MYO16: variants seen among roughly 807,000 people sequenced by gnomAD.
The protein encoded by MYO16 is myosin XVI.
A neutral mutation model predicts 205.3 loss-of-function variants in MYO16; 94 were observed. The ratio of observed to expected loss-of-function variants is 0.46; its 90% CI spans 0.39 to 0.54. The LOEUF is 0.54. MYO16 is among the 20% of genes least tolerant of loss of function. The probability of loss-of-function intolerance (pLI) is 0.00; values close to 1 mark genes in which losing one functional copy is unlikely to be tolerated. For synonymous variants in MYO16, 988 were observed against 954.0 expected (o/e 1.04, Z -0.66); for missense variants, 2,315 against 2,387.5 (o/e 0.97, Z 0.63).
intron 1 of MYO16, among the ~76,000 whole-genome samples, chr13:108,664,450 G>A (rs1881637074): frequency 6.6e-6 from 1 of 152,140 alleles, no homozygotes; most frequent in Non-Finnish European, 1.5e-5. Context: ...GGATGTTTAT[G>A]CTGGTGCACC....
At chr13:108,932,947 C>A (rs1351406123) in intron 16 of MYO16, among the ~76,000 whole-genome samples, 4 of 152,028 alleles carry the variant, frequency 2.6e-5, no homozygotes, top group African/African-American at 9.7e-5. Context: ...ATATCTACCC[C>A]ATGATGAATT....
intron 12 of MYO16, among the ~76,000 whole-genome samples, chr13:108,873,551 C>T (rs936820397): frequency 3.3e-5 from 5 of 152,220 alleles, no homozygotes; most frequent in African/African-American, 4.8e-5. Flanking sequence ...TGCCGAGATG[C>T]GGGTCACAGC....
chr13:108,694,780 C>A (rs11620235), intron 2 of MYO16, among the ~76,000 whole-genome samples: 3 of 151,948 alleles, frequency 2.0e-5, no homozygotes, highest in African/African-American at 7.3e-5. Context: ...ATCTGAGAAA[C>A]AATTACCAAA....
intron 4 of MYO16, among the ~76,000 whole-genome samples, chr13:108,740,370 G>C (rs1884865058): frequency 6.6e-6 from 1 of 152,160 alleles, no homozygotes; most frequent in Non-Finnish European, 1.5e-5. Flanking sequence ...ACTCTCAGTT[G>C]CAGGTCTGTT....
upstream of MYO16, among the ~76,000 whole-genome samples, chr13:108,592,070 TG>T (rs1239364262): frequency 1.1e-4 from 3 of 26,214 alleles, no homozygotes; most frequent in African/African-American, 7.1e-4. Flanking sequence ...GTGGGATGTG[TG>T]GGGGGTGGGG....
chr13:109,078,442 A>G (rs11841521), intron 27 of MYO16, among the ~76,000 whole-genome samples: 25,231 of 152,194 alleles, frequency 0.17, 2,195 homozygotes, highest in South Asian at 0.2. Context: ...CTCTTTAAAA[A>G]AAATTCTGCA....
intron 1 of MYO16, among the ~76,000 whole-genome samples, chr13:108,620,346 T>A (rs1042771477): frequency 6.6e-6 from 1 of 152,166 alleles, no homozygotes. Flanking sequence ...CACTAACGTA[T>A]TTATTTTTTG....
At chr13:108,707,316 T>C (rs1227723366) in intron 2 of MYO16, among the ~76,000 whole-genome samples, 1 of 152,066 alleles carries the variant, frequency 6.6e-6, no homozygotes, top group Non-Finnish European at 1.5e-5. Context: ...AACATAGGGA[T>C]CAATGACATA....
chr13:108,927,352 G>A (rs930433693), intron 16 of MYO16, among the ~76,000 whole-genome samples: 14 of 152,036 alleles, frequency 9.2e-5, no homozygotes, highest in African/African-American at 2.7e-4. Context: ...ACATCCCTTG[G>A]CGAGTGTCAT....
the MYO16 span, among the ~76,000 whole-genome samples, chr13:108,523,608 T>C: frequency 6.6e-6 from 1 of 152,186 alleles, no homozygotes; most frequent in Non-Finnish European, 1.5e-5. Flanking sequence ...TTTCAAAACC[T>C]GGCCTGAGCC....
intron 27 of MYO16, among the ~76,000 whole-genome samples, chr13:109,072,395 A>C (rs1887950965): frequency 6.6e-6 from 1 of 152,132 alleles, no homozygotes; most frequent in Non-Finnish European, 1.5e-5. Flanking sequence ...ATTTACAAGC[A>C]TCCCATTTTA....
chr13:108,962,523 G>A (rs1181037883), intron 19 of MYO16, 28 bp downstream of exon 19: 1 of 1,438,494 alleles, frequency 7.0e-7, no homozygotes, highest in Non-Finnish European at 9.6e-7. Flanking sequence ...TAACATCTTT[G>A]TGCAATTTAG....
intron 25 of MYO16, among the ~76,000 whole-genome samples, chr13:109,053,656 C>T (rs1187660470): frequency 6.6e-6 from 1 of 152,058 alleles, no homozygotes; most frequent in African/African-American, 2.4e-5. Flanking sequence ...ACAGTAGTTC[C>T]TCCACCCAGA....
chr13:108,854,386 A>T (rs1878061374), intron 10 of MYO16, among the ~76,000 whole-genome samples: 1 of 152,180 alleles, frequency 6.6e-6, no homozygotes, highest in African/African-American at 2.4e-5. Context: ...ACTTTGCGAA[A>T]TATCCACTAA....
intron 4 of MYO16, among the ~76,000 whole-genome samples, chr13:108,728,400 C>T (rs1393930345): frequency 1.3e-5 from 2 of 151,250 alleles, no homozygotes; most frequent in Non-Finnish European, 3.0e-5. Context: ...GTCACTGAGC[C>T]GTGCTACCAA....
chr13:109,155,638 A>G (rs1166815077), intron 32 of MYO16, among the ~76,000 whole-genome samples: 4 of 152,208 alleles, frequency 2.6e-5, no homozygotes, highest in Non-Finnish European at 4.4e-5. Context: ...GATCTCCATC[A>G]CCACTAGACT....
At chr13:108,790,268 G>A (rs1373131551) in intron 5 of MYO16, among the ~76,000 whole-genome samples, 1 of 152,092 alleles carries the variant, frequency 6.6e-6, no homozygotes, top group Non-Finnish European at 1.5e-5. Context: ...GACGGTTAAG[G>A]GAAGTTAAGT....
chr13:108,933,600 T>G (rs1594407129), intron 16 of MYO16, among the ~76,000 whole-genome samples: 1 of 152,256 alleles, frequency 6.6e-6, no homozygotes, highest in East Asian at 1.9e-4. Context: ...TATTTTTATT[T>G]TTCAACTTTT....
chr13:108,615,367 T>C (rs915285405), intron 1 of MYO16, among the ~76,000 whole-genome samples: 2 of 152,130 alleles, frequency 1.3e-5, no homozygotes, highest in Non-Finnish European at 2.9e-5. Flanking sequence ...TGTAAAATAG[T>C]ATGCCCTCTT....
Sources: allele counts gnomAD v4.1 joint callset (sites outside exome capture counted in the v4.1 genomes callset), GRCh38; gene constraint gnomAD v4.1.1; transcripts MANE v1.5; gene names NCBI Gene and HGNC (gene_info 2026-07-23, HGNC 2026-07-21).